Variants in ATXN7 observed in about 807,000 individuals in gnomAD.
The protein encoded by ATXN7 is ataxin-7.
Under a neutral mutation model 70.5 loss-of-function variants are expected in ATXN7, and 12 were observed. The ratio of observed to expected loss-of-function variants is 0.17; its 90% confidence interval spans 0.11 to 0.28. ATXN7 has a LOEUF of 0.28. Ranked by LOEUF, ATXN7 falls within the 10% of genes least tolerant of loss-of-function variation. ATXN7 has a pLI of 1.00. For missense variants in ATXN7, 1,256 were observed against 1,131.7 expected (o/e 1.11, Z -1.58); for synonymous variants, 498 against 448.7 (o/e 1.11, Z -1.39).
intron 4 of ATXN7, among the ~76,000 whole-genome samples, chr3:63,922,581 A>G (rs971084572): frequency 9.9e-5 from 15 of 152,274 alleles, no homozygotes; most frequent in Middle Eastern, 3.4e-3. Flanking sequence ...AAGGTAAATT[A>G]TAGGCAATGT....
chr3:63,876,454 G>T (rs1702751695), intron 1 of ATXN7, among the ~76,000 whole-genome samples: 1 of 152,080 alleles, frequency 6.6e-6, no homozygotes, highest in Non-Finnish European at 1.5e-5. Flanking sequence ...ACAGTTTAAA[G>T]GAATCGCTTG....
At chr3:63,883,710 C>T (rs866434636) in intron 1 of ATXN7, among the ~76,000 whole-genome samples, 1 of 152,042 alleles carries the variant, frequency 6.6e-6, no homozygotes, top group South Asian at 2.1e-4. Flanking sequence ...TTTCTGTTTA[C>T]CCTTAGCTCA....
chr3:63,976,715 C>CTA (rs781446184), intron 5 of ATXN7, among the ~76,000 whole-genome samples: 1 of 152,144 alleles, frequency 6.6e-6, no homozygotes, highest in Non-Finnish European at 1.5e-5. Flanking sequence ...GTCAGTTCTG[C>CTA]TATAGCACAA....
Position 63,995,595 on chromosome 3 carries a change from C to G in ATXN7, c.1773C>G (p.Val591=). Residue 591 remains valine, a synonymous_variant, in exon 12 of 13, where the codon GTC becomes GTG. Transcript: ENST00000674280. ...TNSVPTSQCG[V]SYLAAATVST... The stretch of plus-strand genomic sequence containing the variant: ...CTGTGCCGACATCACAATGTGGAGT[C>G]AGCTATCTGGCAGCAGCCACCGTCT... 6.2e-7 allele frequency: 1 copy of G among 1,614,160 alleles called. No homozygotes were observed. The highest frequency in any genetic ancestry group is 8.5e-7 in the Non-Finnish European group (1 of 1,180,034).
intron 4 of ATXN7, among the ~76,000 whole-genome samples, chr3:63,924,966 CAT>C (rs1270616767): frequency 3.3e-5 from 5 of 152,202 alleles, no homozygotes; most frequent in African/African-American, 1.2e-4. Flanking sequence ...TAATTGGTCA[CAT>C]GTGAAAAGAA....
chr3:63,925,451 A>G (rs1238046775), intron 4 of ATXN7, among the ~76,000 whole-genome samples: 2 of 152,130 alleles, frequency 1.3e-5, no homozygotes, highest in African/African-American at 4.8e-5. Context: ...AGATTCTCAT[A>G]GGAGCACAAA....
chr3:63,996,473 T>G lies in ATXN7; in HGVS notation c.2651T>G (p.Leu884Arg). The stretch of plus-strand genomic sequence containing the variant: ...GCACAAGGACTGATGAACAGTTCCC[T>G]CCTTCATCAGGTAGGAAATGGACTG... Reference protein sequence around the residue: ...PGAQGLMNSSLLHQPKARP With the variant: ...PGAQGLMNSSRLHQPKARP The change falls in exon 12 of 13, where the codon CTC becomes CGC. Residue 884 changes from leucine to arginine, a missense_variant. Transcript: ENST00000674280. 6.2e-7 allele frequency: 1 copy of G among 1,614,060 alleles called. No homozygotes were observed. Among genetic ancestry groups the G allele is most frequent in the Non-Finnish European group, 8.5e-7 (1 of 1,179,932 alleles).
At chr3:63,958,622 A>T (rs2075074633) in intron 5 of ATXN7, among the ~76,000 whole-genome samples, 1 of 152,158 alleles carries the variant, frequency 6.6e-6, no homozygotes, top group African/African-American at 2.4e-5. Flanking sequence ...TTAACATGTC[A>T]TTTTATTTAG....
chr3:63,982,258 G>A lies in ATXN7; in HGVS notation c.825G>A (p.Gly275=), dbSNP rs766199868. 46 of 1,613,960 alleles carry A rather than the reference G, an allele frequency of 2.9e-5. No homozygotes were observed. The highest frequency in any genetic ancestry group is 3.8e-5 in the Non-Finnish European group (45 of 1,180,022). ...GCACACTACTGAAATCTGCGGTGGGGCCAACCTGTCCTGCTACTGTGAGTT... is the reference window on the plus strand; with the variant it reads ...GCACACTACTGAAATCTGCGGTGGGACCAACCTGTCCTGCTACTGTGAGTT... ...MDGTLLKSAV[G]PTCPATVSSL... The change falls in exon 7 of 13, where the codon GGG becomes GGA. Residue 275 remains glycine, a synonymous_variant. Coordinates refer to ENST00000674280, the MANE Select transcript of ATXN7 (RefSeq NM_001377405.1).
chr3:63,910,272 T>C (rs1362809951), intron 2 of ATXN7, among the ~76,000 whole-genome samples: 1 of 152,222 alleles, frequency 6.6e-6, no homozygotes, highest in Non-Finnish European at 1.5e-5. Flanking sequence ...CCATTCTCCT[T>C]ATTTTTGTTC....
At chr3:63,884,711 AC>A (rs1703032327) in intron 1 of ATXN7, among the ~76,000 whole-genome samples, 3 of 151,714 alleles carry the variant, frequency 2.0e-5, no homozygotes, top group African/African-American at 7.3e-5. Flanking sequence ...GTGCAGTGGC[AC>A]AATCTTAGCT....
At chr3:63,947,750 C>A (rs2074887459) in intron 4 of ATXN7, among the ~76,000 whole-genome samples, 1 of 152,032 alleles carries the variant, frequency 6.6e-6, no homozygotes, top group Admixed American at 6.6e-5. Flanking sequence ...AAGGAACAGC[C>A]CTTTGAAGTG....
chr3:63,950,209 A>G (rs1421736489), intron 4 of ATXN7, among the ~76,000 whole-genome samples: 2 of 152,240 alleles, frequency 1.3e-5, no homozygotes, highest in African/African-American at 4.8e-5. Context: ...GATAAACATC[A>G]TGTGACAAAT....
chr3:63,980,720 T>C (rs1004635198), intron 6 of ATXN7: 1 of 153,968 alleles, frequency 6.5e-6, no homozygotes, highest in African/African-American at 2.4e-5. Context: ...GGTTAACAAA[T>C]GGATACTGGC....
intron 1 of ATXN7, chr3:63,873,802 C>T (rs1361758307): frequency 6.6e-6 from 1 of 152,240 alleles, no homozygotes; most frequent in African/African-American, 2.4e-5. Flanking sequence ...CTCCTGGCCT[C>T]AAGCAGTCCT....
At chr3:63,988,428 C>G in intron 9 of ATXN7, 104 bp downstream of exon 9, 2 of 1,410,630 alleles carry the variant, frequency 1.4e-6, no homozygotes, top group Non-Finnish European at 1.9e-6. Flanking sequence ...ATCTCAGGCT[C>G]ACTGTGGAGA....
At chr3:63,863,823 CGCAAGCTGA>C (rs1473888200), upstream of ATXN7, 2 of 1,221,268 alleles carry the variant, frequency 1.6e-6, no homozygotes. Flanking sequence ...GCGGCGGCGG[CGCAAGCTGA>C]GGCGGCGGTT....
intron 4 of ATXN7, among the ~76,000 whole-genome samples, chr3:63,942,870 C>T (rs1329654655): frequency 6.6e-6 from 1 of 152,190 alleles, no homozygotes; most frequent in African/African-American, 2.4e-5. Context: ...GTATACTGAG[C>T]AGAGTAACTT....
intron 4 of ATXN7, among the ~76,000 whole-genome samples, chr3:63,930,909 G>A (rs1418322224): frequency 1.3e-5 from 2 of 152,130 alleles, no homozygotes; most frequent in Non-Finnish European, 2.9e-5. Context: ...ACACTAGACA[G>A]GTGGCTACTT....
Sources: gnomAD v4.1 joint callset for allele counts (sites outside exome capture counted in the v4.1 genomes callset) on GRCh38, gnomAD v4.1.1 for gene constraint, MANE v1.5 for transcripts, NCBI Gene and HGNC (gene_info 2026-07-23, HGNC 2026-07-21) for gene names.